The following MRPL1 variants were observed in gnomAD, a reference collection of about 807,000 sequenced individuals.
The protein encoded by MRPL1 is mitochondrial ribosomal protein L1.
A neutral mutation model predicts 38.0 loss-of-function variants in MRPL1; 28 were observed. The ratio of observed to expected loss-of-function variants is 0.74; its 90% CI spans 0.55 to 1.01. The LOEUF (loss-of-function observed/expected upper bound fraction) is 1.01. Among genes scored for constraint, MRPL1 ranks in the 50% least tolerant of loss-of-function variants. The probability of loss-of-function intolerance (pLI) is 0.00; values close to 1 mark genes in which losing one functional copy is unlikely to be tolerated. For missense variants in MRPL1, 358 were observed against 389.8 expected, an observed-to-expected ratio of 0.92 and a Z score of 0.69; for synonymous variants, 123 against 126.7, an observed-to-expected ratio of 0.97 and a Z score of 0.20.
chr4:77,885,243 G>T lies in MRPL1; in HGVS notation c.403-13G>T. 4 of 1,590,496 alleles carry T rather than the reference G, an allele frequency of 2.5e-6. No individual in the cohort carries two copies. Among genetic ancestry groups the T allele is most frequent in the Non-Finnish European group, 3.5e-6 (4 of 1,158,586 alleles). Reference sequence around the variant, plus strand: ...TAACTTTACGTAATTATTTTTCCTTGTCATGTGTTTAGAAAAACGTGGAGC... The same window carrying T: ...TAACTTTACGTAATTATTTTTCCTTTTCATGTGTTTAGAAAAACGTGGAGC... On this transcript the variant is annotated splice_polypyrimidine_tract_variant and intron_variant, in intron 3 of 8. Coordinates refer to ENST00000315567, the MANE Select transcript of MRPL1 (RefSeq NM_020236.4).
chr4:77,882,290 A>G (rs922055398), intron 2 of MRPL1, among the ~76,000 whole-genome samples: 1 of 152,096 alleles, frequency 6.6e-6, no homozygotes, highest in Non-Finnish European at 1.5e-5. Flanking sequence ...TACCTGGCTA[A>G]CTCTATTATT....
At chr4:77,897,243 T>G in intron 6 of MRPL1, among the ~76,000 whole-genome samples, 1 of 152,048 alleles carries the variant, frequency 6.6e-6, no homozygotes, top group East Asian at 1.9e-4. Flanking sequence ...TTTTGTATTT[T>G]TAGTAGACAC....
chr4:77,890,416 A>G (rs1465916900), intron 5 of MRPL1, among the ~76,000 whole-genome samples: 1 of 152,142 alleles, frequency 6.6e-6, no homozygotes, highest in Non-Finnish European at 1.5e-5. Flanking sequence ...TGCAGAAAAG[A>G]CCTTCGACAA....
intron 7 of MRPL1, among the ~76,000 whole-genome samples, chr4:77,920,875 G>C (rs1303895776): frequency 1.3e-5 from 2 of 151,976 alleles, no homozygotes; most frequent in Non-Finnish European, 2.9e-5. Context: ...TGATTCTTGT[G>C]TCTCAGCCTC....
intron 7 of MRPL1, among the ~76,000 whole-genome samples, chr4:77,928,630 A>G (rs1181029472): frequency 6.6e-6 from 1 of 152,214 alleles, no homozygotes; most frequent in Non-Finnish European, 1.5e-5. Context: ...CTCCAAGGAT[A>G]TGGAGCTAAG....
chr4:77,871,896 T>G (rs1295245006), intron 2 of MRPL1, 41 bp downstream of exon 2: 1 of 1,303,972 alleles, frequency 7.7e-7, no homozygotes, highest in Non-Finnish European at 1.1e-6. Flanking sequence ...TTGTTGTCAT[T>G]TTAATTTTTT....
At chr4:77,878,834 G>T (rs1189181718) in intron 2 of MRPL1, among the ~76,000 whole-genome samples, 1 of 152,004 alleles carries the variant, frequency 6.6e-6, no homozygotes, top group Non-Finnish European at 1.5e-5. Flanking sequence ...AGCCCAGATC[G>T]CACCACTGCA....
At chr4:77,944,507 G>T (rs547101149) in intron 7 of MRPL1, among the ~76,000 whole-genome samples, 12 of 152,074 alleles carry the variant, frequency 7.9e-5, no homozygotes, top group Admixed American at 2.0e-4. Context: ...GTAGCACTTC[G>T]TTCATATAAA....
intron 7 of MRPL1, among the ~76,000 whole-genome samples, chr4:77,928,896 T>C (rs1272425302): frequency 2.6e-5 from 4 of 152,284 alleles, no homozygotes; most frequent in Non-Finnish European, 4.4e-5. Context: ...AAAGTGTGAC[T>C]CTCCCCTACT....
In MRPL1 at chr4:77,883,481, A is replaced by G. The variant is rs1217052307; in HGVS notation, c.383A>G (p.Asp128Gly). The G allele has an allele frequency of 1.9e-6, 3 of 1,613,016 alleles. No individual in the cohort carries two copies. Among genetic ancestry groups the G allele is most frequent in the Non-Finnish European group, 1.7e-6 (2 of 1,179,562 alleles). The change falls in exon 3 of 9, where the codon GAT (aspartate) becomes GGT (glycine). Residue 128 changes from aspartate to glycine, a missense_variant. Transcript: ENST00000315567. ...AGTGTTTATCTTGATTTGACACTGG[A>G]TATGGCACTGGGAAAGAAGGTATGT... ...KQSVYLDLTLDMALGKKKNVE... is the reference protein window; with the variant it reads ...KQSVYLDLTLGMALGKKKNVE...
intron 7 of MRPL1, among the ~76,000 whole-genome samples, chr4:77,929,500 C>T (rs1322146465): frequency 6.6e-6 from 1 of 151,822 alleles, no homozygotes; most frequent in African/African-American, 2.4e-5. Context: ...AATATAAATA[C>T]AAAGTTAAGC....
At position 77,909,471 on chromosome 4, in the gene MRPL1, G is replaced by C; in HGVS notation, c.777+99G>C. The C allele has an allele frequency of 4.1e-6, 3 of 740,036 alleles. No homozygotes were observed. In the South Asian group the frequency reaches 5.5e-5, roughly 14 times the overall value. 45.8% of individuals were successfully genotyped at this position (740,036 alleles called of 1,614,324 possible). A position where few individuals can be genotyped will look rare whatever the true frequency, so the allele number is the denominator to read the frequency against. ...TATAAAATGCCAGTCATTTGAACTT[G>C]TTTTTGGCACTAGCATTAAGAATGG... On this transcript the variant is annotated intron_variant, in intron 7 of 8. Coordinates refer to ENST00000315567, the MANE Select transcript of MRPL1 (RefSeq NM_020236.4).
In MRPL1 at chr4:77,862,982, G is replaced by A. The variant is rs1186440273; in HGVS notation, c.31+103G>A. The A allele has an allele frequency of 2.8e-6, 4 of 1,435,616 alleles. No homozygotes were observed. In the Admixed American group the frequency reaches 5.5e-5, roughly 20 times the overall value. The allele number at this position is 1,435,616 out of a possible 1,614,324, so 88.9% of individuals were successfully genotyped here. ...CTGCTCTGGGTGCTGAAAATGCCTC[G>A]TGCTGTTTCTGGTCTCTAGGTTTTT... On this transcript the variant is annotated intron_variant, in intron 1 of 8. Coordinates refer to ENST00000315567, the MANE Select transcript of MRPL1 (RefSeq NM_020236.4).
chr4:77,917,652 C>T (rs556663829), intron 7 of MRPL1, among the ~76,000 whole-genome samples: 7 of 152,190 alleles, frequency 4.6e-5, no homozygotes, highest in African/African-American at 1.4e-4. Context: ...AGACACAATG[C>T]TGGTGATACA....
chr4:77,921,930 C>G lies in MRPL1; in HGVS notation c.777+12558C>G, dbSNP rs1014174711. 2.6e-5 allele frequency among the ~76,000 whole-genome samples: 4 copies of G among 152,084 alleles called. No homozygotes were observed. In the South Asian group the frequency reaches 8.3e-4, roughly 32 times the overall value. On this transcript the variant is annotated intron_variant, in intron 7 of 8. Transcript: ENST00000315567. Reference sequence around the variant, plus strand: ...TGTGTTTTCCATCAGGAATTCATGACTCATTCGTTGAGCAAATAGTTATTG... The same window carrying G: ...TGTGTTTTCCATCAGGAATTCATGAGTCATTCGTTGAGCAAATAGTTATTG...
intron 8 of MRPL1, among the ~76,000 whole-genome samples, chr4:77,951,048 T>G (rs957250862): frequency 6.6e-6 from 1 of 152,134 alleles, no homozygotes; most frequent in Admixed American, 6.5e-5. Flanking sequence ...TTTTGTATTT[T>G]TAGTAGCGGT....
At chr4:77,912,656 A>T (rs1247427935) in intron 7 of MRPL1, among the ~76,000 whole-genome samples, 1 of 152,180 alleles carries the variant, frequency 6.6e-6, no homozygotes, top group Non-Finnish European at 1.5e-5. Flanking sequence ...GATTCATAGC[A>T]TTCTCAAAGT....
At chr4:77,933,471 G>A (rs1391001204) in intron 7 of MRPL1, among the ~76,000 whole-genome samples, 1 of 152,178 alleles carries the variant, frequency 6.6e-6, no homozygotes, top group African/African-American at 2.4e-5. Flanking sequence ...CAAGCAGAGT[G>A]TGGAACTTGG....
At chr4:77,949,001 C>T (rs1737343673) in intron 7 of MRPL1, among the ~76,000 whole-genome samples, 1 of 152,172 alleles carries the variant, frequency 6.6e-6, no homozygotes. Flanking sequence ...AAACTCCTGA[C>T]CTCAGGTGAT....
Sources: gnomAD v4.1 joint callset for allele counts (sites outside exome capture counted in the v4.1 genomes callset) on GRCh38, gnomAD v4.1.1 for gene constraint, MANE v1.5 for transcripts, NCBI Gene and HGNC (gene_info 2026-07-23, HGNC 2026-07-21) for gene names.